Variants in SIK3 observed in about 807,000 individuals in gnomAD.
The protein encoded by SIK3 is serine/threonine-protein kinase SIK3.
Under a neutral mutation model 144.2 loss-of-function variants are expected in SIK3, and 28 were observed. The observed-to-expected ratio is 0.19, with a 90% CI of 0.14 to 0.27. SIK3 has a LOEUF of 0.27. Among genes scored for constraint, SIK3 ranks in the 10% least tolerant of loss-of-function variants. SIK3 has a pLI of 1.00. For synonymous variants in SIK3, 686 were observed against 676.3 expected, an observed-to-expected ratio of 1.01 and a Z score of -0.22; for missense variants, 1,319 against 1,776.0, an observed-to-expected ratio of 0.74 and a Z score of 4.62.
intron 1 of SIK3, among the ~76,000 whole-genome samples, chr11:116,965,737 ATATATATATATATATAT>A (rs1949507940): frequency 3.9e-4 from 1 of 2,562 alleles, no homozygotes; most frequent in Non-Finnish European, 1.4e-3. Context: ...CTGCTAAAAT[ATATATATATATATATAT>A]ATATATATAT....
chr11:116,945,713 T>C (rs1009300577), intron 3 of SIK3, among the ~76,000 whole-genome samples: 3 of 152,178 alleles, frequency 2.0e-5, no homozygotes, highest in South Asian at 2.1e-4. Flanking sequence ...CAATTGTCTG[T>C]CTTATTCAAT....
intron 1 of SIK3, among the ~76,000 whole-genome samples, chr11:117,009,200 T>C (rs1951161355): frequency 7.1e-6 from 1 of 141,666 alleles, no homozygotes; most frequent in African/African-American, 2.7e-5. Flanking sequence ...ACCACTGCAC[T>C]CCAGCCTGGG....
intron 1 of SIK3, among the ~76,000 whole-genome samples, chr11:116,959,190 C>T (rs953538525): frequency 2.0e-5 from 3 of 151,918 alleles, no homozygotes; most frequent in Admixed American, 6.6e-5. Flanking sequence ...AAAAATTAGC[C>T]GAGCATGGTA....
chr11:117,038,373 T>C (rs1299202136), intron 1 of SIK3, among the ~76,000 whole-genome samples: 1 of 151,836 alleles, frequency 6.6e-6, no homozygotes, highest in African/African-American at 2.4e-5. Flanking sequence ...TTTTTTTTTT[T>C]TGAGACAGAG....
intron 19 of SIK3, among the ~76,000 whole-genome samples, chr11:116,860,243 C>CAA (rs199929948): frequency 1.2e-4 from 13 of 111,364 alleles, no homozygotes; most frequent in East Asian, 2.6e-4. Context: ...GACTCCATCT[C>CAA]AAAAAAAAAA....
At chr11:116,967,451 A>G (rs1324638155) in intron 1 of SIK3, among the ~76,000 whole-genome samples, 1 of 152,232 alleles carries the variant, frequency 6.6e-6, no homozygotes, top group Non-Finnish European at 1.5e-5. Context: ...AATCAGCAAC[A>G]GTTCATATTT....
intron 3 of SIK3, among the ~76,000 whole-genome samples, chr11:116,929,532 A>T (rs1430707766): frequency 2.0e-5 from 3 of 152,230 alleles, no homozygotes; most frequent in Non-Finnish European, 4.4e-5. Context: ...AAGTGATTGG[A>T]AAGTTCTCAA....
intron 2 of SIK3, among the ~76,000 whole-genome samples, chr11:116,954,490 C>A (rs1949066643): frequency 2.0e-5 from 3 of 146,876 alleles, no homozygotes; most frequent in Non-Finnish European, 3.0e-5. Context: ...AAAAAAAAAA[C>A]TAAAGCAAAA....
intron 1 of SIK3, among the ~76,000 whole-genome samples, chr11:117,082,081 A>G (rs1954814392): frequency 6.6e-6 from 1 of 152,222 alleles, no homozygotes; most frequent in Non-Finnish European, 1.5e-5. Flanking sequence ...TCAAAACCAC[A>G]ATGCAATACT....
chr11:117,070,455 T>TG (rs1393138729), intron 1 of SIK3, among the ~76,000 whole-genome samples: 2 of 151,474 alleles, frequency 1.3e-5, no homozygotes, highest in African/African-American at 2.4e-5. Context: ...TTTTTTTTTT[T>TG]TCTTTTTTGA....
At chr11:116,924,122 G>A (rs562554565) in intron 4 of SIK3, among the ~76,000 whole-genome samples, 5 of 151,844 alleles carry the variant, frequency 3.3e-5, no homozygotes, top group South Asian at 2.1e-4. Flanking sequence ...AGTAAAACTC[G>A]TCTCTGCTAA....
chr11:117,097,912 C>A (rs1448707644), intron 1 of SIK3, among the ~76,000 whole-genome samples: 1 of 151,960 alleles, frequency 6.6e-6, no homozygotes, highest in Admixed American at 6.5e-5. Flanking sequence ...GCGCCCGGCT[C>A]CTGGGCGCCG....
intron 3 of SIK3, among the ~76,000 whole-genome samples, chr11:116,951,930 G>C (rs1480346095): frequency 7.1e-6 from 1 of 140,128 alleles, no homozygotes; most frequent in Non-Finnish European, 1.5e-5. Flanking sequence ...CAAGACCCTA[G>C]CTCAAAAAAG....
At chr11:117,078,494 C>T (rs1425530569) in intron 1 of SIK3, among the ~76,000 whole-genome samples, 1 of 148,144 alleles carries the variant, frequency 6.8e-6, no homozygotes, top group African/African-American at 2.5e-5. Flanking sequence ...TGGCTCACTG[C>T]AACCTCCACC....
intron 9 of SIK3, 109 bp from the exon 10 acceptor site, chr11:116,875,560 A>C: frequency 7.8e-7 from 1 of 1,279,032 alleles, no homozygotes. Context: ...TGATTACTAA[A>C]GTTTTTGGTT....
chr11:117,009,178 G>A (rs1951160792), intron 1 of SIK3, among the ~76,000 whole-genome samples: 1 of 150,024 alleles, frequency 6.7e-6, no homozygotes, highest in Non-Finnish European at 1.5e-5. Flanking sequence ...AGGTTGCAGT[G>A]AGCGAGATTG....
intron 1 of SIK3, among the ~76,000 whole-genome samples, chr11:116,995,968 T>C (rs554029266): frequency 2.0e-5 from 3 of 152,212 alleles, no homozygotes; most frequent in South Asian, 2.1e-4. Flanking sequence ...CTGGACAACA[T>C]AGTGAGACTT....
At chr11:116,874,247 T>C (rs889096086) in intron 11 of SIK3, among the ~76,000 whole-genome samples, 191 bp from the exon 12 acceptor site, 6 of 152,236 alleles carry the variant, frequency 3.9e-5, no homozygotes, top group African/African-American at 1.4e-4. Context: ...GCTCCTTTAC[T>C]ATTTGGGACG....
At chr11:116,972,090 A>G (rs954134148) in intron 1 of SIK3, among the ~76,000 whole-genome samples, 2 of 150,894 alleles carry the variant, frequency 1.3e-5, no homozygotes, top group Non-Finnish European at 3.0e-5. Context: ...CGGTCTCAAA[A>G]AAAAAAAAAA....
Sources: allele counts gnomAD v4.1 joint callset (sites outside exome capture counted in the v4.1 genomes callset), GRCh38; gene constraint gnomAD v4.1.1; transcripts MANE v1.5; gene names NCBI Gene and HGNC (gene_info 2026-07-23, HGNC 2026-07-21).